Variants in C1orf21 observed in about 807,000 individuals in gnomAD.
The protein encoded by C1orf21 is uncharacterized protein C1orf21.
In C1orf21, 3 loss-of-function variants were observed where a neutral mutation model predicts 18.7. The ratio of observed to expected loss-of-function variants is 0.16; its 90% CI spans 0.07 to 0.42. The LOEUF (loss-of-function observed/expected upper bound fraction) is 0.42, where lower values mean the gene tolerates loss of function less well. Ranked by LOEUF, C1orf21 falls within the 10% of genes least tolerant of loss-of-function variation. C1orf21 has a pLI of 0.99. For missense variants in C1orf21, 104 were observed against 143.6 expected (o/e 0.72, Z 1.41); for synonymous variants, 41 against 46.4 (o/e 0.88, Z 0.47).
chr1:184,580,739 C>T (rs915369928), intron 3 of C1orf21, among the ~76,000 whole-genome samples: 1 of 152,226 alleles, frequency 6.6e-6, no homozygotes, highest in Non-Finnish European at 1.5e-5. Context: ...TAGTAAAATT[C>T]ATATTGCTCT....
chr1:184,460,929 CTGTT>C (rs1232791672), intron 1 of C1orf21, among the ~76,000 whole-genome samples: 1 of 152,050 alleles, frequency 6.6e-6, no homozygotes, highest in African/African-American at 2.4e-5. Flanking sequence ...CTTTCCATCA[CTGTT>C]TGACGTTGAG....
intron 5 of C1orf21, among the ~76,000 whole-genome samples, chr1:184,607,353 G>A (rs1459252012): frequency 6.6e-6 from 1 of 151,344 alleles, no homozygotes; most frequent in Non-Finnish European, 1.5e-5. Flanking sequence ...AGTGAGTTTG[G>A]AATATATTTA....
At chr1:184,516,684 G>T (rs1201616295) in intron 3 of C1orf21, among the ~76,000 whole-genome samples, 2 of 152,162 alleles carry the variant, frequency 1.3e-5, no homozygotes, top group East Asian at 3.8e-4. Context: ...GATCTTGTGA[G>T]ACTTATTCAC....
At chr1:184,471,688 T>C (rs1657498803) in intron 1 of C1orf21, among the ~76,000 whole-genome samples, 1 of 152,188 alleles carries the variant, frequency 6.6e-6, no homozygotes. Flanking sequence ...AAATGTGTCC[T>C]ATTGCATAAA....
intron 2 of C1orf21, among the ~76,000 whole-genome samples, chr1:184,495,762 A>G (rs934490520): frequency 7.9e-5 from 12 of 151,876 alleles, no homozygotes; most frequent in African/African-American, 2.9e-4. Flanking sequence ...TCTACTAAAA[A>G]TACAAAAATT....
At chr1:184,458,971 G>A (rs1657262656) in intron 1 of C1orf21, among the ~76,000 whole-genome samples, 1 of 152,174 alleles carries the variant, frequency 6.6e-6, no homozygotes, top group African/African-American at 2.4e-5. Flanking sequence ...GAGTGAAGTT[G>A]TGTGTGTCTT....
intron 2 of C1orf21, among the ~76,000 whole-genome samples, chr1:184,498,681 A>C (rs1402208071): frequency 6.6e-6 from 1 of 152,210 alleles, no homozygotes; most frequent in Non-Finnish European, 1.5e-5. Context: ...GTATCTTTTC[A>C]TATTTGCTGT....
intron 1 of C1orf21, among the ~76,000 whole-genome samples, chr1:184,430,626 C>G (rs937493919): frequency 5.3e-5 from 8 of 152,136 alleles, no homozygotes; most frequent in Admixed American, 5.2e-4. Flanking sequence ...GTAATTTATA[C>G]GAGGTCGAGA....
At chr1:184,514,246 A>G (rs1302962009) in intron 3 of C1orf21, among the ~76,000 whole-genome samples, 1 of 152,226 alleles carries the variant, frequency 6.6e-6, no homozygotes, top group African/African-American at 2.4e-5. Flanking sequence ...TCAAGGCTGC[A>G]GTGAGGTCTG....
At chr1:184,545,335 A>G (rs972731327) in intron 3 of C1orf21, among the ~76,000 whole-genome samples, 5 of 152,220 alleles carry the variant, frequency 3.3e-5, no homozygotes, top group Non-Finnish European at 5.9e-5. Context: ...AAGTTATACT[A>G]TTAAGTAAAG....
At chr1:184,565,054 G>T (rs896462606) in intron 3 of C1orf21, among the ~76,000 whole-genome samples, 1 of 152,108 alleles carries the variant, frequency 6.6e-6, no homozygotes, top group African/African-American at 2.4e-5. Flanking sequence ...AAAATGAAGG[G>T]CTAGACTAGA....
At chr1:184,545,653 C>G (rs754958825) in intron 3 of C1orf21, among the ~76,000 whole-genome samples, 1 of 152,152 alleles carries the variant, frequency 6.6e-6, no homozygotes, top group Non-Finnish European at 1.5e-5. Context: ...AGCTGGTTTT[C>G]CTGTTGTGCA....
intron 1 of C1orf21, among the ~76,000 whole-genome samples, chr1:184,405,037 G>C (rs915241971): frequency 1.3e-5 from 2 of 152,022 alleles, no homozygotes; most frequent in Non-Finnish European, 2.9e-5. Flanking sequence ...AATTTTATGT[G>C]TCTGTTTCTC....
At chr1:184,545,257 A>G (rs979079817) in intron 3 of C1orf21, among the ~76,000 whole-genome samples, 1 of 152,208 alleles carries the variant, frequency 6.6e-6, no homozygotes, top group African/African-American at 2.4e-5. Context: ...GATCCATCAT[A>G]CTGTGGAATG....
chr1:184,584,174 A>G (rs1436383279), intron 3 of C1orf21, among the ~76,000 whole-genome samples: 2 of 136,408 alleles, frequency 1.5e-5, no homozygotes, highest in Non-Finnish European at 3.1e-5. Flanking sequence ...AGATCTCTTT[A>G]AACCTACCCT....
chr1:184,497,276 A>G (rs1412595626), intron 2 of C1orf21, among the ~76,000 whole-genome samples: 1 of 152,036 alleles, frequency 6.6e-6, no homozygotes, highest in Non-Finnish European at 1.5e-5. Context: ...CGTTTTCCCC[A>G]CTCACCCAGA....
intron 1 of C1orf21, among the ~76,000 whole-genome samples, chr1:184,440,419 TG>T: frequency 6.6e-6 from 1 of 152,164 alleles, no homozygotes; most frequent in East Asian, 1.9e-4. Context: ...TTGTTGTTGT[TG>T]TTTGTATTTT....
intron 3 of C1orf21, among the ~76,000 whole-genome samples, chr1:184,549,016 G>T (rs1305806713): frequency 1.3e-5 from 2 of 151,462 alleles, no homozygotes; most frequent in African/African-American, 4.9e-5. Flanking sequence ...TATAATTTTT[G>T]TCCTTTCTAG....
At chr1:184,500,078 T>C (rs10797971) in intron 2 of C1orf21, among the ~76,000 whole-genome samples, 72,757 of 151,954 alleles carry the variant, frequency 0.48, 18,219 homozygotes, top group African/African-American at 0.64. Context: ...GAAGTGGCTC[T>C]GAATCCTTGG....
Sources: allele counts gnomAD v4.1 joint callset (sites outside exome capture counted in the v4.1 genomes callset), GRCh38; gene constraint gnomAD v4.1.1; transcripts MANE v1.5; gene names NCBI Gene and HGNC (gene_info 2026-07-23, HGNC 2026-07-21).